Variants in CAMTA1 observed in about 807,000 individuals in gnomAD.
CAMTA1 encodes calmodulin binding transcription activator 1.
CAMTA1 carries 27 observed loss-of-function variants against 170.9 expected under a neutral mutation model. That is an observed-to-expected ratio of 0.16 (90% CI 0.12 to 0.22). The LOEUF is 0.22. CAMTA1 is among the 10% of genes least tolerant of loss of function. CAMTA1 has a pLI of 1.00. For synonymous variants in CAMTA1, 833 were observed against 891.5 expected (o/e 0.93, Z 1.17); for missense variants, 1,619 against 2,217.2 (o/e 0.73, Z 5.42).
intron 5 of CAMTA1, among the ~76,000 whole-genome samples, chr1:7,276,293 A>ATTTTTTTTTTTTTTTT (rs1372402055): frequency 1.8e-4 from 4 of 22,050 alleles, no homozygotes; most frequent in African/African-American, 5.4e-4. Flanking sequence ...ATATATATAT[A>ATTTTTTTTTTTTTTTT]TATATATATA....
intron 3 of CAMTA1, among the ~76,000 whole-genome samples, chr1:6,896,271 G>A (rs1170282161): frequency 1.3e-5 from 2 of 152,182 alleles, no homozygotes; most frequent in African/African-American, 4.8e-5. Flanking sequence ...CACCCCAAAT[G>A]AGATGAAAAT....
chr1:6,891,791 A>G (rs1203999177), intron 3 of CAMTA1, among the ~76,000 whole-genome samples: 2 of 152,236 alleles, frequency 1.3e-5, no homozygotes, highest in African/African-American at 4.8e-5. Context: ...TAGTATATGA[A>G]AAAAATAGTA....
At chr1:7,069,537 A>G (rs1638318206) in intron 3 of CAMTA1, among the ~76,000 whole-genome samples, 1 of 152,214 alleles carries the variant, frequency 6.6e-6, no homozygotes, top group African/African-American at 2.4e-5. Flanking sequence ...CCAACGGGAC[A>G]GGTCTTTTGT....
At chr1:7,396,071 A>C (rs1051483021) in intron 5 of CAMTA1, among the ~76,000 whole-genome samples, 1 of 152,194 alleles carries the variant, frequency 6.6e-6, no homozygotes, top group African/African-American at 2.4e-5. Context: ...TTTGATATCC[A>C]CTGTTGGAGA....
At chr1:7,194,558 T>C (rs959704737) in intron 4 of CAMTA1, among the ~76,000 whole-genome samples, 6 of 152,238 alleles carry the variant, frequency 3.9e-5, no homozygotes, top group South Asian at 2.1e-4. Flanking sequence ...TTAAAAATGA[T>C]TTCTACAGAT....
chr1:7,725,398 A>C (rs1252331358), intron 11 of CAMTA1, among the ~76,000 whole-genome samples: 1 of 152,240 alleles, frequency 6.6e-6, no homozygotes, highest in Non-Finnish European at 1.5e-5. Context: ...ACAGCAGTGC[A>C]GGTGGCTGGG....
intron 3 of CAMTA1, among the ~76,000 whole-genome samples, chr1:6,986,320 G>A (rs1451721706): frequency 6.6e-6 from 1 of 152,202 alleles, no homozygotes; most frequent in African/African-American, 2.4e-5. Flanking sequence ...TTAGCAAGAG[G>A]AGTGAAGTGG....
At chr1:6,912,313 G>A (rs1200737689) in intron 3 of CAMTA1, among the ~76,000 whole-genome samples, 1 of 152,168 alleles carries the variant, frequency 6.6e-6, no homozygotes, top group Non-Finnish European at 1.5e-5. Context: ...GCAGGCCAGC[G>A]GGGTAAGCAG....
chr1:7,105,316 A>G (rs1250358674), intron 4 of CAMTA1, among the ~76,000 whole-genome samples: 1 of 152,244 alleles, frequency 6.6e-6, no homozygotes, highest in Non-Finnish European at 1.5e-5. Flanking sequence ...TTACCAAGTT[A>G]AGGTCATTGC....
chr1:6,848,072 C>T (rs1207345277), intron 3 of CAMTA1, among the ~76,000 whole-genome samples: 1 of 152,110 alleles, frequency 6.6e-6, no homozygotes, highest in Non-Finnish European at 1.5e-5. Context: ...GTCTCAAACT[C>T]TTGACCACAG....
Position 7,585,872 on chromosome 1 carries a change from C to T in CAMTA1, c.511-54528C>T, listed in dbSNP as rs1464245372. Among the ~76,000 whole-genome samples, 4 of 151,978 alleles carry T rather than the reference C, an allele frequency of 2.6e-5. No homozygotes were observed. Among genetic ancestry groups the T allele is most frequent in the Admixed American group, 2.6e-4 (4 of 15,272 alleles). The stretch of plus-strand genomic sequence containing the variant: ...CTCCCCTGCCTCCCACCTCCCCTCT[C>T]GATGCGGCTTTCATTATGTAAACCT... On this transcript the variant is annotated intron_variant, in intron 6 of 22. Transcript: ENST00000303635. This position sits in a 1 kb window ranked among gnomAD's most constrained non-coding sequence, Gnocchi z 4.8.
At position 7,455,731 on chromosome 1, in the gene CAMTA1, G is replaced by A. The variant is rs1015885359; in HGVS notation, c.439-12099G>A. On this transcript the variant is annotated intron_variant, in intron 5 of 22. Coordinates refer to ENST00000303635, the MANE Select transcript of CAMTA1 (RefSeq NM_015215.4). The surrounding 1 kb of genome is among the most constrained non-coding windows in gnomAD (Gnocchi z 5.0). Reference sequence around the variant, plus strand: ...GCTCTGGAGCTGAGTAGTAACCACAGCCAGGAATCCCGGCAGTGCCAGCCC... The same window carrying A: ...GCTCTGGAGCTGAGTAGTAACCACAACCAGGAATCCCGGCAGTGCCAGCCC... Among the ~76,000 whole-genome samples, 2 of 152,258 alleles carry A rather than the reference G, an allele frequency of 1.3e-5. No individual in the cohort carries two copies. The highest frequency in any genetic ancestry group is 2.9e-5 in the Non-Finnish European group (2 of 68,044).
At chr1:7,744,566 G>A (rs2096843881) in intron 16 of CAMTA1, among the ~76,000 whole-genome samples, 1 of 152,146 alleles carries the variant, frequency 6.6e-6, no homozygotes, top group East Asian at 1.9e-4. Context: ...CTGAGAGTAG[G>A]GAGTACATAC....
chr1:6,792,933 T>G (rs1168280622), intron 1 of CAMTA1, among the ~76,000 whole-genome samples: 1 of 152,188 alleles, frequency 6.6e-6, no homozygotes, highest in Non-Finnish European at 1.5e-5. Context: ...TTTGGGGCTG[T>G]GTTCTTAATA....
chr1:7,392,761 C>T lies in CAMTA1; in HGVS notation c.439-75069C>T, dbSNP rs571784349. ...TGGTGGCAGGCACCTGTAGTCCCAG[C>T]TACTTGGGAGGCTGAGGCATGAGAA... On this transcript the variant is annotated intron_variant, in intron 5 of 22. Coordinates refer to ENST00000303635, the MANE Select transcript of CAMTA1 (RefSeq NM_015215.4). Among the ~76,000 whole-genome samples the T allele has an allele frequency of 2.0e-5, 3 of 152,092 alleles. No homozygotes were observed. The South Asian group carries it at 6.2e-4, about 32-fold the overall frequency.
At chr1:7,125,474 G>T (rs1049525099) in intron 4 of CAMTA1, among the ~76,000 whole-genome samples, 19 of 152,294 alleles carry the variant, frequency 1.2e-4, no homozygotes, top group African/African-American at 4.1e-4. Context: ...GGTCAGCCCA[G>T]AGACCATGAT....
At chr1:6,905,772 T>C (rs1678326455) in intron 3 of CAMTA1, among the ~76,000 whole-genome samples, 1 of 152,132 alleles carries the variant, frequency 6.6e-6, no homozygotes. Flanking sequence ...TTAGAGCTCT[T>C]TGGGTTAGTG....
intron 6 of CAMTA1, among the ~76,000 whole-genome samples, chr1:7,524,515 G>A (rs187457682): frequency 2.0e-5 from 3 of 152,168 alleles, no homozygotes; most frequent in Admixed American, 2.0e-4. Context: ...TACTGTGTTG[G>A]GTGAGGGCGG....
At chr1:7,521,408 A>G (rs1466139601) in intron 6 of CAMTA1, among the ~76,000 whole-genome samples, 1 of 152,140 alleles carries the variant, frequency 6.6e-6, no homozygotes, top group African/African-American at 2.4e-5. Context: ...CACAGCCAGA[A>G]TGTTGATACA....
Sources: gnomAD v4.1 joint callset for allele counts (sites outside exome capture counted in the v4.1 genomes callset) on GRCh38, gnomAD v4.1.1 for gene constraint, Gnocchi (gnomAD v3.1) non-coding constraint, MANE v1.5 for transcripts, NCBI Gene and HGNC (gene_info 2026-07-23, HGNC 2026-07-21) for gene names.